The following PDE11A variants were observed in gnomAD, a reference collection of about 807,000 sequenced individuals.
PDE11A encodes dual 3',5'-cyclic-AMP and -GMP phosphodiesterase 11A.
PDE11A carries 100 observed loss-of-function variants against 100.5 expected under a neutral mutation model. The observed-to-expected ratio is 1.00, with a 90% CI of 0.85 to 1.18. The LOEUF (loss-of-function observed/expected upper bound fraction) is 1.18. Ranked by LOEUF, PDE11A falls within the 50% of genes most tolerant of loss-of-function variation. PDE11A has a pLI of 0.00. For missense variants in PDE11A, 1,141 were observed against 1,152.6 expected (o/e 0.99, Z 0.15); for synonymous variants, 381 against 420.8 (o/e 0.91, Z 1.16).
intron 9 of PDE11A, among the ~76,000 whole-genome samples, chr2:177,778,078 C>T (rs1351902142): frequency 6.6e-6 from 1 of 152,196 alleles, no homozygotes; most frequent in Non-Finnish European, 1.5e-5. Flanking sequence ...AGGCAATTAT[C>T]GGACCCATGA....
At chr2:177,649,711 G>A (rs13008833) in intron 19 of PDE11A, among the ~76,000 whole-genome samples, 1 of 152,028 alleles carries the variant, frequency 6.6e-6, no homozygotes, top group Non-Finnish European at 1.5e-5. Context: ...AGAAGCATAC[G>A]CAGGAATTGG....
At chr2:178,082,881 G>A (rs1278517342) in intron 2 of PDE11A, among the ~76,000 whole-genome samples, 1 of 152,114 alleles carries the variant, frequency 6.6e-6, no homozygotes, top group Non-Finnish European at 1.5e-5. Flanking sequence ...ACTCTTAGGA[G>A]AGAGTTAGCC....
At chr2:178,035,920 C>T (rs2086607681) in intron 1 of PDE11A, among the ~76,000 whole-genome samples, 1 of 152,162 alleles carries the variant, frequency 6.6e-6, no homozygotes, top group African/African-American at 2.4e-5. Flanking sequence ...CAACATCATA[C>T]TGAATGGGCA....
Position 178,072,379 on chromosome 2 carries a change from T to C in PDE11A, c.59A>G (p.Glu20Gly). The C allele has an allele frequency of 6.2e-7, 1 of 1,613,800 alleles. No individual in the cohort carries two copies. The highest frequency in any genetic ancestry group is 8.5e-7 in the Non-Finnish European group (1 of 1,180,036). ...EVETFLDRHP[E>G]LFEDYLMRKG... Reference sequence around the variant, plus strand: ...CCGCATCAAGTAATCTTCAAACAACTCTGGGTGCCTGTCCAGGAAAGTTTC... The same window carrying C: ...CCGCATCAAGTAATCTTCAAACAACCCTGGGTGCCTGTCCAGGAAAGTTTC... Residue 20 changes from glutamate (E) to glycine (G), a missense_variant, in exon 1 of 20, where the codon GAG (glutamate) becomes GGG (glycine). By Grantham distance (98) the Glu-to-Gly change is moderately conservative. Coordinates refer to ENST00000286063, the MANE Select transcript of PDE11A (RefSeq NM_016953.4).
At chr2:177,799,274 G>A (rs984880134) in intron 9 of PDE11A, among the ~76,000 whole-genome samples, 20 of 152,184 alleles carry the variant, frequency 1.3e-4, no homozygotes, top group South Asian at 1.0e-3. Context: ...ACAAAAAGGG[G>A]ATATTTGGTT....
intron 2 of PDE11A, among the ~76,000 whole-genome samples, chr2:177,945,599 A>G (rs1276015836): frequency 1.4e-5 from 2 of 145,348 alleles, no homozygotes; most frequent in Admixed American, 6.8e-5. Flanking sequence ...CCCCGTCTGA[A>G]AAGTGAGGAG....
At chr2:177,892,398 A>T (rs2084544076) in intron 4 of PDE11A, among the ~76,000 whole-genome samples, 2 of 152,230 alleles carry the variant, frequency 1.3e-5, no homozygotes. Context: ...ATTGAATACA[A>T]GATAACTAAT....
At chr2:177,968,284 G>A (rs2085724295) in intron 2 of PDE11A, among the ~76,000 whole-genome samples, 3 of 152,224 alleles carry the variant, frequency 2.0e-5, no homozygotes, top group African/African-American at 7.2e-5. Flanking sequence ...TTATTTTTAT[G>A]TCAACACCAA....
intron 4 of PDE11A, among the ~76,000 whole-genome samples, chr2:177,896,716 C>A (rs953897434): frequency 6.6e-6 from 1 of 152,188 alleles, no homozygotes; most frequent in Non-Finnish European, 1.5e-5. Flanking sequence ...ATTTCCTCAT[C>A]TATAAAATTA....
At chr2:177,729,958 A>G (rs1228044246) in intron 10 of PDE11A, among the ~76,000 whole-genome samples, 2 of 152,130 alleles carry the variant, frequency 1.3e-5, no homozygotes, top group East Asian at 3.9e-4. Context: ...CATTAGCTAT[A>G]ATAAATTATT....
chr2:178,049,458 C>T (rs1450228917), intron 1 of PDE11A, among the ~76,000 whole-genome samples: 1 of 152,204 alleles, frequency 6.6e-6, no homozygotes, highest in Non-Finnish European at 1.5e-5. Flanking sequence ...GCATTTCCAA[C>T]TGAGGTACCG....
intron 2 of PDE11A, among the ~76,000 whole-genome samples, chr2:178,095,476 G>C (rs141493995): frequency 6.6e-6 from 1 of 152,204 alleles, no homozygotes; most frequent in East Asian, 1.9e-4. Context: ...GTACAGCCCT[G>C]CTCCTGGCTG....
In PDE11A at chr2:177,727,687, C is replaced by T. The variant is rs756945686; in HGVS notation, c.2014G>A (p.Val672Met). Residue 672 changes from valine (V) to methionine (M), a missense_variant, in exon 12 of 20, where the codon GTG (valine) becomes ATG (methionine). Val to Met is a conservative substitution (Grantham distance 21). Transcript: ENST00000286063. ...AACATCGCGAACATCAGCTGACACA[C>T]GTTGAAGGCATGTCTCCAGTTGTGG... is the stretch of plus-strand genomic sequence containing the variant. ...LYHNWRHAFN[V>M]CQLMFAMLTT... 8.1e-6 allele frequency: 13 copies of T among 1,608,374 alleles called. No individual in the cohort carries two copies. In the Admixed American group the frequency reaches 1.0e-4, roughly 12 times the overall value.
At chr2:177,990,753 GA>G (rs1296641710) in intron 2 of PDE11A, among the ~76,000 whole-genome samples, 2 of 137,018 alleles carry the variant, frequency 1.5e-5, no homozygotes, top group African/African-American at 2.7e-5. Flanking sequence ...AAAAAAAAAG[GA>G]AAAAAAAGGC....
intron 19 of PDE11A, among the ~76,000 whole-genome samples, chr2:177,660,064 T>TCC (rs1491224699): frequency 2.6e-4 from 1 of 3,912 alleles, no homozygotes; most frequent in Non-Finnish European, 1.1e-3. Context: ...TCTTTCTTTC[T>TCC]TTCTTTCTTT....
At chr2:178,007,704 A>G (rs1375852169) in intron 2 of PDE11A, among the ~76,000 whole-genome samples, 1 of 151,920 alleles carries the variant, frequency 6.6e-6, no homozygotes, top group Non-Finnish European at 1.5e-5. Flanking sequence ...TCATTTATTT[A>G]TTTATTTATT....
intron 5 of PDE11A, among the ~76,000 whole-genome samples, chr2:177,858,861 G>C (rs958473750): frequency 6.6e-6 from 1 of 152,098 alleles, no homozygotes; most frequent in Admixed American, 6.6e-5. Context: ...GTCCATCAAT[G>C]ATAGACTGGA....
At chr2:177,655,511 G>T (rs769231792) in intron 19 of PDE11A, among the ~76,000 whole-genome samples, 5 of 151,992 alleles carry the variant, frequency 3.3e-5, no homozygotes, top group Non-Finnish European at 7.4e-5. Context: ...ACTTCTTCCT[G>T]CCCAGCACGT....
chr2:177,628,642 G>A lies in PDE11A; in HGVS notation c.*765C>T, dbSNP rs2079870870. On this transcript the variant is annotated 3_prime_UTR_variant, in exon 20 of 20. Transcript: ENST00000286063. ...GTCACTTGTGGTAAATCCAGCTACA[G>A]ATTTCCTTCCACCCTTACTTTAATC... 1 of 152,350 alleles carries A rather than the reference G, an allele frequency of 6.6e-6. No individual in the cohort carries two copies. Among genetic ancestry groups the A allele is most frequent in the Non-Finnish European group, 1.5e-5 (1 of 68,174 alleles). 9.4% of individuals were successfully genotyped at this position (152,350 alleles called of 1,614,324 possible).
Sources: gnomAD v4.1 joint callset for allele counts (sites outside exome capture counted in the v4.1 genomes callset) on GRCh38, gnomAD v4.1.1 for gene constraint, MANE v1.5 for transcripts, NCBI Gene and HGNC (gene_info 2026-07-23, HGNC 2026-07-21) for gene names.